Variants in CMSS1 observed in about 807,000 individuals in gnomAD.
CMSS1 encodes the protein protein CMSS1.
A neutral mutation model predicts 43.5 loss-of-function variants in CMSS1; 33 were observed. The ratio of observed to expected loss-of-function variants is 0.76; its 90% CI spans 0.57 to 1.01. The LOEUF (loss-of-function observed/expected upper bound fraction) is 1.01. Among genes scored for constraint, CMSS1 ranks in the 50% least tolerant of loss-of-function variants. The probability of loss-of-function intolerance (pLI) is 0.00; values close to 1 mark genes in which losing one functional copy is unlikely to be tolerated. For synonymous variants in CMSS1, 115 were observed against 117.2 expected (o/e 0.98, Z 0.12); for missense variants, 313 against 326.4 (o/e 0.96, Z 0.32).
intron 1 of CMSS1, among the ~76,000 whole-genome samples, chr3:99,955,089 T>C (rs1480703907): frequency 6.6e-6 from 1 of 152,214 alleles, no homozygotes; most frequent in African/African-American, 2.4e-5. Context: ...GCTGGGTAAT[T>C]TGTCTTTCAT....
intron 1 of CMSS1, among the ~76,000 whole-genome samples, chr3:100,122,499 G>T (rs2066630571): frequency 6.6e-6 from 1 of 152,206 alleles, no homozygotes; most frequent in African/African-American, 2.4e-5. Flanking sequence ...TTCCTCCTTA[G>T]GCCAGCTTCA....
At chr3:100,043,429 A>T (rs564671962) in intron 1 of CMSS1, among the ~76,000 whole-genome samples, 2 of 152,140 alleles carry the variant, frequency 1.3e-5, no homozygotes, top group Non-Finnish European at 2.9e-5. Flanking sequence ...GCAGTCTCTA[A>T]GGTCTCTTTT....
intron 1 of CMSS1, among the ~76,000 whole-genome samples, chr3:99,912,788 T>C (rs915412328): frequency 1.3e-5 from 2 of 152,246 alleles, no homozygotes; most frequent in Non-Finnish European, 2.9e-5. Flanking sequence ...ACTTCTTGAC[T>C]ATCATGAATA....
At chr3:100,012,761 CTTT>C (rs35737304) in intron 1 of CMSS1, among the ~76,000 whole-genome samples, 13 of 93,578 alleles carry the variant, frequency 1.4e-4, no homozygotes, top group Admixed American at 2.4e-4. Flanking sequence ...GAAGCATATT[CTTT>C]TTTTTTTTTT....
At chr3:99,839,254 CT>C (rs1370651317) in intron 1 of CMSS1, among the ~76,000 whole-genome samples, 11 of 152,168 alleles carry the variant, frequency 7.2e-5, no homozygotes, top group Non-Finnish European at 1.5e-4. Flanking sequence ...TCTTAGTTAC[CT>C]TTTAAGCTAC....
In CMSS1 at chr3:99,941,032, T is replaced by C. The variant is rs147921287; in HGVS notation, c.64+122989T>C. Among the ~76,000 whole-genome samples, 4 of 152,374 alleles carry C rather than the reference T, an allele frequency of 2.6e-5. No homozygotes were observed. The East Asian group carries it at 5.8e-4, about 22-fold the overall frequency. The stretch of plus-strand genomic sequence containing the variant: ...CAGGTATACTCCATTTATCTTCCTA[T>C]AACTGGCAGAAAGTTTAATAACTTC... On this transcript the variant is annotated intron_variant, in intron 1 of 9. Transcript: ENST00000421999.
intron 1 of CMSS1, among the ~76,000 whole-genome samples, chr3:100,048,004 G>A (rs2065305394): frequency 6.6e-6 from 1 of 152,116 alleles, no homozygotes; most frequent in African/African-American, 2.4e-5. Context: ...AAGAAACACT[G>A]GGCCATAGCT....
At chr3:99,985,788 C>T (rs1431259809) in intron 1 of CMSS1, among the ~76,000 whole-genome samples, 1 of 152,098 alleles carries the variant, frequency 6.6e-6, no homozygotes, top group African/African-American at 2.4e-5. Flanking sequence ...GGGGTTTCCC[C>T]ATGTTGGTCA....
At chr3:100,066,741 C>T (rs1370234799) in intron 1 of CMSS1, among the ~76,000 whole-genome samples, 1 of 95,184 alleles carries the variant, frequency 1.1e-5, no homozygotes, top group African/African-American at 3.4e-5. Flanking sequence ...CCATTTTAGC[C>T]GGGATGGTCT....
intron 1 of CMSS1, among the ~76,000 whole-genome samples, chr3:100,027,488 T>G (rs2107249786): frequency 6.6e-6 from 1 of 152,290 alleles, no homozygotes; most frequent in Non-Finnish European, 1.5e-5. Flanking sequence ...CCTTGTAGCT[T>G]GGGAACAGAC....
chr3:99,983,416 A>ATATATATATATATATG (rs1553702725), intron 1 of CMSS1, among the ~76,000 whole-genome samples: 1 of 96,960 alleles, frequency 1.0e-5, no homozygotes, highest in African/African-American at 4.3e-5. Context: ...ATATATATAT[A>ATATATATATATATATG]TATGTATGTA....
At chr3:100,172,201 G>C (rs941306650) in intron 7 of CMSS1, 115 bp from the exon 8 acceptor site, 32 of 909,382 alleles carry the variant, frequency 3.5e-5, no homozygotes, top group Non-Finnish European at 5.1e-5. Context: ...CCTACACAAG[G>C]GTAGCTCCAT....
intron 1 of CMSS1, among the ~76,000 whole-genome samples, chr3:99,924,582 G>A (rs1191376120): frequency 6.6e-5 from 10 of 152,110 alleles, no homozygotes; most frequent in South Asian, 2.1e-4. Context: ...GCAATGGCGC[G>A]ATCTCGACTC....
chr3:99,927,710 C>CTTA (rs1178399804), intron 1 of CMSS1, among the ~76,000 whole-genome samples: 1 of 151,748 alleles, frequency 6.6e-6, no homozygotes, highest in Non-Finnish European at 1.5e-5. Flanking sequence ...CTAAGAATAC[C>CTTA]TTAGGCTATT....
At chr3:100,037,961 G>C (rs371591287) in intron 1 of CMSS1, among the ~76,000 whole-genome samples, 1 of 132,460 alleles carries the variant, frequency 7.5e-6, no homozygotes, top group African/African-American at 2.9e-5. Flanking sequence ...TTTTTTGGGG[G>C]GGGAGGGAAC....
At chr3:99,853,984 C>T (rs1205594253) in intron 1 of CMSS1, among the ~76,000 whole-genome samples, 2 of 152,168 alleles carry the variant, frequency 1.3e-5, no homozygotes, top group Admixed American at 1.3e-4. Context: ...TGCTGTTACA[C>T]ATTGTGTGGT....
chr3:100,011,035 C>T (rs1710138707), intron 1 of CMSS1, among the ~76,000 whole-genome samples: 1 of 151,890 alleles, frequency 6.6e-6, no homozygotes. Flanking sequence ...AGTACAAACC[C>T]AGGATTCTGT....
chr3:99,970,738 C>T (rs560705016), intron 1 of CMSS1, among the ~76,000 whole-genome samples: 15 of 152,264 alleles, frequency 9.9e-5, no homozygotes, highest in Admixed American at 4.6e-4. Context: ...CTTAAGAGAG[C>T]GTGCTACGAT....
At chr3:100,166,296 T>G in intron 4 of CMSS1, 39 bp from the exon 5 acceptor site, 1 of 1,378,728 alleles carries the variant, frequency 7.3e-7, no homozygotes, top group South Asian at 1.2e-5. Flanking sequence ...TGTGTGTGTT[T>G]ACAAAATTAT....
Sources: allele counts gnomAD v4.1 joint callset (sites outside exome capture counted in the v4.1 genomes callset), GRCh38; gene constraint gnomAD v4.1.1; transcripts MANE v1.5; gene names NCBI Gene and HGNC (gene_info 2026-07-23, HGNC 2026-07-21).